Variants in MDGA2 observed in about 807,000 individuals in gnomAD.
The protein encoded by MDGA2 is MAM domain-containing glycosylphosphatidylinositol anchor protein 2.
MDGA2 carries 40 observed loss-of-function variants against 117.8 expected under a neutral mutation model. The observed-to-expected ratio is 0.34, with a 90% confidence interval of 0.26 to 0.44. The LOEUF is 0.44. Ranked by LOEUF, MDGA2 falls within the 20% of genes least tolerant of loss-of-function variation. The probability of loss-of-function intolerance (pLI) is 1.00; values close to 1 mark genes in which losing one functional copy is unlikely to be tolerated. For synonymous variants in MDGA2, 452 were observed against 439.0 expected, an observed-to-expected ratio of 1.03 and a Z score of -0.37; for missense variants, 1,123 against 1,250.6, an observed-to-expected ratio of 0.90 and a Z score of 1.54.
intron 1 of MDGA2, among the ~76,000 whole-genome samples, chr14:47,558,201 T>C (rs1895723660): frequency 1.3e-5 from 2 of 152,182 alleles, no homozygotes; most frequent in Non-Finnish European, 2.9e-5. Context: ...TGGATACAAA[T>C]GTAATGTTTT....
At chr14:47,093,419 A>T (rs932115209) in intron 6 of MDGA2, among the ~76,000 whole-genome samples, 1 of 152,094 alleles carries the variant, frequency 6.6e-6, no homozygotes, top group Non-Finnish European at 1.5e-5. Context: ...AATAGAACGA[A>T]TCATGAAAAC....
intron 1 of MDGA2, among the ~76,000 whole-genome samples, chr14:47,402,410 A>C (rs1478280474): frequency 7.4e-6 from 1 of 135,350 alleles, no homozygotes; most frequent in Non-Finnish European, 1.6e-5. Context: ...ATGATTCTCT[A>C]ACAGAGTCTT....
intron 1 of MDGA2, among the ~76,000 whole-genome samples, chr14:47,534,253 T>C (rs746792600): frequency 1.4e-4 from 22 of 152,012 alleles, no homozygotes; most frequent in Non-Finnish European, 2.6e-4. Flanking sequence ...AGAGTAGAGG[T>C]GTGATTGAGG....
chr14:47,054,010 T>A (rs1889572133), intron 7 of MDGA2, among the ~76,000 whole-genome samples: 1 of 152,012 alleles, frequency 6.6e-6, no homozygotes, highest in African/African-American at 2.4e-5. Context: ...TACATTAGTC[T>A]GCCTGATATC....
rs539415274 is a variant in MDGA2 at position 47,157,305 on chromosome 14, C to T, written c.596-13031G>A. On this transcript the variant is annotated intron_variant, in intron 3 of 16. Transcript: ENST00000399232. ...TGTGGCTATCTATAAAACTTAGATT[C>T]ATTCATTCTAATGTGAAATTTTGCT... Among the ~76,000 whole-genome samples the T allele has an allele frequency of 8.5e-5, 13 of 152,224 alleles. No individual in the cohort carries two copies. In the South Asian group the frequency reaches 2.3e-3, roughly 27 times the overall value.
chr14:46,902,058 C>G (rs3007109), intron 10 of MDGA2, among the ~76,000 whole-genome samples: 152,079 of 152,310 alleles, frequency 1, 75,925 homozygotes, highest in Middle Eastern at 1. Context: ...GGATATAAAA[C>G]CATGACTTAT....
intron 1 of MDGA2, among the ~76,000 whole-genome samples, chr14:47,611,977 T>G (rs1443612370): frequency 6.6e-6 from 1 of 152,132 alleles, no homozygotes; most frequent in South Asian, 2.1e-4. Flanking sequence ...GAGTGGAAAG[T>G]TGTGTTTAGC....
At chr14:47,600,676 C>T (rs1342270661) in intron 1 of MDGA2, among the ~76,000 whole-genome samples, 1 of 151,078 alleles carries the variant, frequency 6.6e-6, no homozygotes, top group Admixed American at 6.6e-5. Context: ...CTCAGTCATC[C>T]TTGTCCTGGT....
chr14:47,015,539 A>G lies in MDGA2; in HGVS notation c.1819+19472T>C, dbSNP rs373237021. Among the ~76,000 whole-genome samples the G allele has an allele frequency of 7.6e-4, 115 of 152,188 alleles. 1 individual carries two copies. Among genetic ancestry groups the G allele is most frequent in the African/African-American group, 2.6e-3 (110 of 41,560 alleles). On this transcript the variant is annotated intron_variant, in intron 8 of 16. Coordinates refer to ENST00000399232, the MANE Select transcript of MDGA2 (RefSeq NM_001113498.3). The stretch of plus-strand genomic sequence containing the variant: ...TGGGGAAGTGAAAACTGAGCTATCT[A>G]TGGCTGCAATGGAGAGTAGGTGTGG...
At chr14:47,173,737 T>C (rs1884295068) in intron 3 of MDGA2, among the ~76,000 whole-genome samples, 1 of 151,862 alleles carries the variant, frequency 6.6e-6, no homozygotes, top group Non-Finnish European at 1.5e-5. Context: ...AGAAACTGCA[T>C]CAACTAACGA....
At chr14:47,326,115 C>T (rs987063074) in intron 1 of MDGA2, among the ~76,000 whole-genome samples, 1 of 152,092 alleles carries the variant, frequency 6.6e-6, no homozygotes, top group Non-Finnish European at 1.5e-5. Context: ...AAGATCTGAA[C>T]TTCCTACTAA....
At chr14:47,533,979 A>C (rs1025160907) in intron 1 of MDGA2, among the ~76,000 whole-genome samples, 2 of 152,222 alleles carry the variant, frequency 1.3e-5, no homozygotes, top group Non-Finnish European at 2.9e-5. Flanking sequence ...AAATATTTAT[A>C]ATCTACATGA....
intron 10 of MDGA2, among the ~76,000 whole-genome samples, chr14:46,891,551 C>A (rs531782075): frequency 6.6e-6 from 1 of 150,688 alleles, no homozygotes; most frequent in Non-Finnish European, 1.5e-5. Flanking sequence ...GTTAGCAATA[C>A]GTTTAATAAG....
intron 14 of MDGA2, among the ~76,000 whole-genome samples, chr14:46,860,501 T>C (rs1881465802): frequency 6.6e-6 from 1 of 152,006 alleles, no homozygotes; most frequent in South Asian, 2.1e-4. Context: ...TATTTGTCCT[T>C]ATGGTTCTCC....
intron 1 of MDGA2, among the ~76,000 whole-genome samples, chr14:47,357,097 G>T (rs1219079213): frequency 6.6e-6 from 1 of 152,162 alleles, no homozygotes; most frequent in African/African-American, 2.4e-5. Flanking sequence ...TTACTTGGTT[G>T]GTTAAACCGT....
chr14:47,208,809 A>T (rs1483823247), intron 3 of MDGA2, among the ~76,000 whole-genome samples: 2 of 151,956 alleles, frequency 1.3e-5, no homozygotes, highest in Non-Finnish European at 2.9e-5. Context: ...TTTATAAATA[A>T]TTTTTAGATG....
chr14:47,645,004 G>A (rs1357655463), intron 1 of MDGA2, among the ~76,000 whole-genome samples: 1 of 152,092 alleles, frequency 6.6e-6, no homozygotes, highest in African/African-American at 2.4e-5. Context: ...CTAGAAGCTG[G>A]AAAAGGCAAG....
intron 1 of MDGA2, among the ~76,000 whole-genome samples, chr14:47,561,223 T>C (rs569634113): frequency 8.1e-4 from 120 of 148,656 alleles, no homozygotes; most frequent in Non-Finnish European, 1.6e-3. Context: ...GGCTCTTTTT[T>C]GTTTCCATAT....
chr14:47,166,625 C>G (rs1318785153), intron 3 of MDGA2, among the ~76,000 whole-genome samples: 1 of 152,084 alleles, frequency 6.6e-6, no homozygotes, highest in African/African-American at 2.4e-5. Flanking sequence ...GAGATACAAC[C>G]AAGAGAGAAC....
Sources: gnomAD v4.1 joint callset for allele counts (sites outside exome capture counted in the v4.1 genomes callset) on GRCh38, gnomAD v4.1.1 for gene constraint, MANE v1.5 for transcripts, NCBI Gene and HGNC (gene_info 2026-07-23, HGNC 2026-07-21) for gene names.